The following PPP1R2 variants were observed in gnomAD, a reference collection of about 807,000 sequenced individuals.
PPP1R2 encodes protein phosphatase 1 regulatory inhibitor subunit 2, also known as protein phosphatase inhibitor 2.
A neutral mutation model predicts 29.9 loss-of-function variants in PPP1R2; 16 were observed. The ratio of observed to expected loss-of-function variants is 0.53; its 90% confidence interval spans 0.36 to 0.81. The LOEUF (loss-of-function observed/expected upper bound fraction) is 0.81, where lower values mean the gene tolerates loss of function less well. Among genes scored for constraint, PPP1R2 ranks in the 30% least tolerant of loss-of-function variants. The pLI is 0.00. For synonymous variants in PPP1R2, 76 were observed against 91.5 expected (o/e 0.83, Z 0.96); for missense variants, 197 against 252.7 (o/e 0.78, Z 1.49).
chr3:195,530,260 A>G (rs1038821828), intron 1 of PPP1R2, among the ~76,000 whole-genome samples: 3 of 152,318 alleles, frequency 2.0e-5, no homozygotes, highest in Non-Finnish European at 4.4e-5. Flanking sequence ...TTTGATCTAT[A>G]TATCAGTAAC....
intron 1 of PPP1R2, among the ~76,000 whole-genome samples, chr3:195,534,557 A>T (rs1719301530): frequency 6.6e-6 from 1 of 152,164 alleles, no homozygotes; most frequent in African/African-American, 2.4e-5. Flanking sequence ...AAAGCTGCTA[A>T]CCCCGGAGCC....
chr3:195,530,113 C>T (rs1719123868), intron 1 of PPP1R2, among the ~76,000 whole-genome samples: 1 of 152,110 alleles, frequency 6.6e-6, no homozygotes, highest in African/African-American at 2.4e-5. Context: ...ACCTAGTGCC[C>T]ACATATTAAA....
At position 195,515,104 on chromosome 3, in the gene PPP1R2, T is replaced by C; in HGVS notation, c.*1792A>G. 1 of 251,872 alleles carries C rather than the reference T, an allele frequency of 4.0e-6. No homozygotes were observed. Among genetic ancestry groups the C allele is most frequent in the Non-Finnish European group, 8.4e-6 (1 of 119,356 alleles). The allele number at this position is 251,872 out of a possible 1,614,324, so 15.6% of individuals were successfully genotyped here. A position where few individuals can be genotyped will look rare whatever the true frequency, so the allele number is the denominator to read the frequency against. ...GCATGAATATATGTGCACGCACATG[T>C]ACAGACTTAATCTCTACATCCCCCA... On this transcript the variant is annotated 3_prime_UTR_variant, in exon 6 of 6. Transcript: ENST00000618156.
chr3:195,534,092 A>T (rs1433144958), intron 1 of PPP1R2, among the ~76,000 whole-genome samples: 1 of 152,150 alleles, frequency 6.6e-6, no homozygotes, highest in Non-Finnish European at 1.5e-5. Flanking sequence ...AGGCAGGAGG[A>T]TCTCTTGAGC....
intron 4 of PPP1R2, among the ~76,000 whole-genome samples, chr3:195,520,971 T>C: frequency 6.6e-6 from 1 of 152,124 alleles, no homozygotes; most frequent in East Asian, 1.9e-4. Flanking sequence ...ACCTGGCCAG[T>C]ACTTTCTTAA....
chr3:195,518,898 A>G (rs947591343), intron 5 of PPP1R2, 120 bp downstream of exon 5: 30 of 1,440,948 alleles, frequency 2.1e-5, no homozygotes, highest in Admixed American at 5.1e-5. Flanking sequence ...AACATTTGGT[A>G]TAATAAAGCG....
Position 195,543,102 on chromosome 3 carries a change from G to C in PPP1R2, c.-77C>G. ...CGAAGAGAAGGGTCGGCACAGCAGA[G>C]ACTCGCAGGCAGCCGCAGATCCCGC... is the stretch of plus-strand genomic sequence containing the variant. On this transcript the variant is annotated 5_prime_UTR_variant, in exon 1 of 6. Coordinates refer to ENST00000618156, the MANE Select transcript of PPP1R2 (RefSeq NM_006241.8). 6.7e-7 allele frequency: 1 copy of C among 1,490,978 alleles called. No individual in the cohort carries two copies. The highest frequency in any genetic ancestry group is 9.0e-7 in the Non-Finnish European group (1 of 1,115,628). The allele number at this position is 1,490,978 out of a possible 1,614,324, so 92.4% of individuals were successfully genotyped here. A position where few individuals can be genotyped will look rare whatever the true frequency, so the allele number is the denominator to read the frequency against.
chr3:195,527,294 A>G (rs1719006922), intron 2 of PPP1R2, among the ~76,000 whole-genome samples: 1 of 151,708 alleles, frequency 6.6e-6, no homozygotes, highest in African/African-American at 2.4e-5. Context: ...TACTAAAAAT[A>G]CAAAAACTAG....
At position 195,543,233 on chromosome 3, in the gene PPP1R2, A is replaced by G; in HGVS notation, c.-208T>C. On this transcript the variant is annotated 5_prime_UTR_variant, in exon 1 of 6. Coordinates refer to ENST00000618156, the MANE Select transcript of PPP1R2 (RefSeq NM_006241.8). ...AGCCAACGCCGAACGGGTGGCGGCT[A>G]CTCGCGCACCCTTAGCCACTGGCAC... The G allele has an allele frequency of 1.6e-6, 1 of 618,702 alleles. No individual in the cohort carries two copies. Among genetic ancestry groups the G allele is most frequent in the East Asian group, 3.4e-5 (1 of 29,134 alleles). 38.3% of individuals were successfully genotyped at this position (618,702 alleles called of 1,614,324 possible).
chr3:195,534,094 C>T (rs1249575827), intron 1 of PPP1R2, among the ~76,000 whole-genome samples: 1 of 152,146 alleles, frequency 6.6e-6, no homozygotes, highest in African/African-American at 2.4e-5. Context: ...GCAGGAGGAT[C>T]TCTTGAGCCC....
At chr3:195,533,558 T>C (rs937718644) in intron 1 of PPP1R2, among the ~76,000 whole-genome samples, 1 of 152,198 alleles carries the variant, frequency 6.6e-6, no homozygotes, top group South Asian at 2.1e-4. Context: ...AGAAGCAAAG[T>C]TGTGACATTA....
chr3:195,536,020 C>T (rs1361524592), intron 1 of PPP1R2, among the ~76,000 whole-genome samples: 1 of 152,146 alleles, frequency 6.6e-6, no homozygotes, highest in African/African-American at 2.4e-5. Context: ...GATCCACTTC[C>T]TTACGATTTT....
chr3:195,526,099 T>C (rs1052159831), intron 2 of PPP1R2, among the ~76,000 whole-genome samples: 4 of 96,768 alleles, frequency 4.1e-5, no homozygotes, highest in Admixed American at 1.5e-4. Context: ...TTCACTTAAA[T>C]AAAATTTTTT....
At chr3:195,534,411 A>G (rs1473092340) in intron 1 of PPP1R2, among the ~76,000 whole-genome samples, 2 of 152,082 alleles carry the variant, frequency 1.3e-5, no homozygotes, top group African/African-American at 4.8e-5. Flanking sequence ...GATTCTGGGG[A>G]AAAAAATGCC....
chr3:195,527,944 G>A, intron 2 of PPP1R2: 1 of 319,256 alleles, frequency 3.1e-6, no homozygotes, highest in Non-Finnish European at 6.2e-6. Context: ...CCTCTTTTTA[G>A]CATGCGTATT....
chr3:195,539,999 A>G (rs970022337), intron 1 of PPP1R2, among the ~76,000 whole-genome samples: 3 of 152,204 alleles, frequency 2.0e-5, no homozygotes, highest in Admixed American at 6.5e-5. Context: ...ACATCCTCTC[A>G]CAACTGGGGG....
Position 195,516,874 on chromosome 3 carries a change from T to G in PPP1R2, c.*22A>C, listed in dbSNP as rs545945970. On this transcript the variant is annotated 3_prime_UTR_variant, in exon 6 of 6. Coordinates refer to ENST00000618156, the MANE Select transcript of PPP1R2 (RefSeq NM_006241.8). ...ACAGGGTTTACATCTAACAAACAAT[T>G]GCAGTGTTGAACAAATCTCGTCTAT... 2.9e-5 allele frequency: 47 copies of G among 1,602,360 alleles called. 2 individuals are homozygous for G. The South Asian group carries it at 5.2e-4, about 18-fold the overall frequency.
chr3:195,530,707 GGA>G (rs1300670733), intron 1 of PPP1R2, among the ~76,000 whole-genome samples: 1 of 152,110 alleles, frequency 6.6e-6, no homozygotes, highest in Non-Finnish European at 1.5e-5. Flanking sequence ...TGTATTTTTA[GGA>G]GAGACAGGGT....
intron 2 of PPP1R2, chr3:195,528,702 ATTTTTTTTTTTTTT>A (rs1186534650): frequency 1.5e-4 from 9 of 59,974 alleles, no homozygotes; most frequent in Admixed American, 2.9e-4. Context: ...GGGCATAACT[ATTTTTTTTTTTTTT>A]TTTTTTTTTT....
Sources: gnomAD v4.1 joint callset for allele counts (sites outside exome capture counted in the v4.1 genomes callset) on GRCh38, gnomAD v4.1.1 for gene constraint, MANE v1.5 for transcripts, NCBI Gene and HGNC (gene_info 2026-07-23, HGNC 2026-07-21) for gene names.